Variants in SCN1B observed in about 807,000 individuals in gnomAD.
SCN1B encodes sodium voltage-gated channel beta subunit 1.
Under a neutral mutation model 25.7 loss-of-function variants are expected in SCN1B, and 11 were observed. The observed-to-expected ratio is 0.43, with a 90% CI of 0.27 to 0.71. The LOEUF (loss-of-function observed/expected upper bound fraction) is 0.71. Ranked by LOEUF, SCN1B falls within the 30% of genes least tolerant of loss-of-function variation. The probability of loss-of-function intolerance (pLI) is 0.21; values close to 1 mark genes in which losing one functional copy is unlikely to be tolerated. For missense variants in SCN1B, 224 were observed against 291.5 expected, an observed-to-expected ratio of 0.77 and a Z score of 1.69; for synonymous variants, 119 against 117.5, an observed-to-expected ratio of 1.01 and a Z score of -0.08.
At position 35,033,587 on chromosome 19, in the gene SCN1B, A is replaced by G; in HGVS notation, c.296A>G (p.Lys99Arg). 1 of 1,614,052 alleles carries G rather than the reference A, an allele frequency of 6.2e-7. No homozygotes were observed. Among genetic ancestry groups the G allele is most frequent in the Non-Finnish European group, 8.5e-7 (1 of 1,179,958 alleles). ...RVVWNGSRGTKDLQDLSIFIT... is the reference protein window; with the variant it reads ...RVVWNGSRGTRDLQDLSIFIT... Reference sequence around the variant, plus strand: ...GTGTGGAATGGCAGCCGGGGCACCAAAGACCTGCAGGATCTGTCTATCTTC... The same window carrying G: ...GTGTGGAATGGCAGCCGGGGCACCAGAGACCTGCAGGATCTGTCTATCTTC... The change falls in exon 3 of 6, where the codon AAA becomes AGA. Residue 99 changes from lysine (K) to arginine (R), a missense_variant. Physicochemically the swap from Lys to Arg is conservative, Grantham distance 26. Around this residue, in one of 3 missense-constraint regions of SCN1B, gnomAD observed 126 missense variants for 204.9 expected, o/e 0.61. Coordinates refer to ENST00000262631, the MANE Select transcript of SCN1B (RefSeq NM_001037.5).
intron 3 of SCN1B, 111 bp from the exon 4 acceptor site, chr19:35,039,006 C>T: frequency 1.6e-6 from 2 of 1,283,026 alleles, no homozygotes; most frequent in Admixed American, 3.4e-5. Flanking sequence ...AGTGCATACA[C>T]CAGGCCCAGG....
chr19:35,039,410 A>C (rs1265906467), intron 4 of SCN1B, 152 bp downstream of exon 4: 7 of 1,164,094 alleles, frequency 6.0e-6, no homozygotes, highest in Non-Finnish European at 8.7e-6. Context: ...CCTGTCAGAC[A>C]CAGGATAGGG....
In SCN1B at chr19:35,030,870, CG is replaced by C; in HGVS notation, c.40+16del. ...GTCGGCGCGGCACTGGGTGAGTGCG[CG>C]GGGGGCGCGCGCGGCCGGGGGGCAC... On this transcript the variant is annotated intron_variant, in intron 1 of 5. Coordinates refer to ENST00000262631, the MANE Select transcript of SCN1B (RefSeq NM_001037.5). 30 of 724,682 alleles carry C rather than the reference CG, an allele frequency of 4.1e-5. No homozygotes were observed. Among genetic ancestry groups the C allele is most frequent in the Non-Finnish European group, 5.0e-5 (28 of 565,546 alleles). 44.9% of individuals were successfully genotyped at this position (724,682 alleles called of 1,614,324 possible). A position where few individuals can be genotyped will look rare whatever the true frequency, so the allele number is the denominator to read the frequency against.
In SCN1B at chr19:35,032,792, A is replaced by T; in HGVS notation, c.207+98A>T. On this transcript the variant is annotated intron_variant, in intron 2 of 5. Transcript: ENST00000262631. This position sits in a 1 kb window ranked among gnomAD's most constrained non-coding sequence, Gnocchi z 4.3. ...GGAGGGGGCTTATTTGTTTAATAATATGCTGTGATTGCTGACCTGGATTCA... is the reference window on the plus strand; with the variant it reads ...GGAGGGGGCTTATTTGTTTAATAATTTGCTGTGATTGCTGACCTGGATTCA... 3 of 1,388,504 alleles carry T rather than the reference A, an allele frequency of 2.2e-6. No homozygotes were observed. Among genetic ancestry groups the T allele is most frequent in the Non-Finnish European group, 3.0e-6 (3 of 992,332 alleles). 86.0% of individuals were successfully genotyped at this position (1,388,504 alleles called of 1,614,324 possible).
At chr19:35,030,920 G>A (rs1222301359) in intron 1 of SCN1B, 60 bp downstream of exon 1, 1 of 276,128 alleles carries the variant, frequency 3.6e-6, no homozygotes, top group Non-Finnish European at 6.1e-6. Context: ...GCGGGGCGGC[G>A]GGAGTGGCGC....
rs777698049 is a variant in SCN1B at position 35,032,300 on chromosome 19, C to T, written c.41-228C>T. ...CCCTACCTAATGTATGAAAATGGGCCCAGCCATTGCTGGAAGCAAAGGACC... is the reference window on the plus strand; with the variant it reads ...CCCTACCTAATGTATGAAAATGGGCTCAGCCATTGCTGGAAGCAAAGGACC... On this transcript the variant is annotated intron_variant, in intron 1 of 5. Transcript: ENST00000262631. The surrounding 1 kb of genome is among the most constrained non-coding windows in gnomAD (Gnocchi z 4.3). Among the ~76,000 whole-genome samples the T allele has an allele frequency of 6.6e-6, 1 of 152,176 alleles. No homozygotes were observed. The highest frequency in any genetic ancestry group is 2.1e-4 in the South Asian group (1 of 4,824).
In SCN1B at chr19:35,039,822, G is replaced by A; in HGVS notation, c.*31G>A. 2 of 1,102,326 alleles carry A rather than the reference G, an allele frequency of 1.8e-6. No homozygotes were observed. Among genetic ancestry groups the A allele is most frequent in the Admixed American group, 2.0e-5 (1 of 49,650 alleles). The allele number at this position is 1,102,326 out of a possible 1,614,324, so 68.3% of individuals were successfully genotyped here. On this transcript the variant is annotated 3_prime_UTR_variant, in exon 6 of 6. Coordinates refer to ENST00000262631, the MANE Select transcript of SCN1B (RefSeq NM_001037.5). ...GCCCTGGGCCCCGCCTCAAGGAAGA[G>A]CCAGCCGTAATGGGGACTCTCCAGG...
At position 35,032,008 on chromosome 19, in the gene SCN1B, C is replaced by T. The variant is rs949280792; in HGVS notation, c.41-520C>T. On this transcript the variant is annotated intron_variant, in intron 1 of 5. Coordinates refer to ENST00000262631, the MANE Select transcript of SCN1B (RefSeq NM_001037.5). The surrounding 1 kb of genome is among the most constrained non-coding windows in gnomAD (Gnocchi z 4.3). ...AGAGGGGCTGAGTGTGGGTCAGCCC[C>T]GGTTTCAGTGCCCACCTCCCCACAA... is the stretch of plus-strand genomic sequence containing the variant. Among the ~76,000 whole-genome samples the T allele has an allele frequency of 6.6e-6, 1 of 152,128 alleles. No homozygotes were observed. The highest frequency in any genetic ancestry group is 1.5e-5 in the Non-Finnish European group (1 of 68,000).
In SCN1B at chr19:35,030,794, G is replaced by T. The variant is rs758958222; in HGVS notation, c.-27G>T. The T allele has an allele frequency of 9.9e-7, 1 of 1,011,506 alleles. No individual in the cohort carries two copies. The highest frequency in any genetic ancestry group is 1.3e-6 in the Non-Finnish European group (1 of 782,144). The allele number at this position is 1,011,506 out of a possible 1,614,324, so 62.7% of individuals were successfully genotyped here. On this transcript the variant is annotated 5_prime_UTR_variant, in exon 1 of 6. It adds an upstream start codon to the 5' untranslated region. Coordinates refer to ENST00000262631, the MANE Select transcript of SCN1B (RefSeq NM_001037.5). ...CGCTATTAATACCGGCGGCCCGGGA[G>T]GGGGGCGCAGCACGCGCCGCGCAGC... is the stretch of plus-strand genomic sequence containing the variant.
At chr19:35,033,423 C>T in intron 2 of SCN1B, 76 bp from the exon 3 acceptor site, 2 of 1,605,192 alleles carry the variant, frequency 1.2e-6, no homozygotes, top group Non-Finnish European at 1.7e-6. Flanking sequence ...GGTGTCAGGG[C>T]AGGGGACAGA....
rs2064206246 is a variant in SCN1B, at chr19:35,030,566, G to A, written c.-255G>A. 1 of 149,864 alleles carries A rather than the reference G, an allele frequency of 6.7e-6. No individual in the cohort carries two copies. Among genetic ancestry groups the A allele is most frequent in the South Asian group, 1.8e-4 (1 of 5,656 alleles). 9.3% of individuals were successfully genotyped at this position (149,864 alleles called of 1,614,324 possible). On this transcript the variant is annotated 5_prime_UTR_variant, in exon 1 of 6. Transcript: ENST00000262631. ...CGGATGTGCCCGGCTGCGCGCGCCA[G>A]CGCAGCAGCCCGAGCAGCGGCCGCC... is the stretch of plus-strand genomic sequence containing the variant.
In SCN1B at chr19:35,033,585, C is replaced by T; in HGVS notation, c.294C>T (p.Thr98=). Residue 98 remains threonine, a synonymous_variant, in exon 3 of 6, where the codon ACC becomes ACT. Transcript: ENST00000262631. ...TGGTGTGGAATGGCAGCCGGGGCAC[C>T]AAAGACCTGCAGGATCTGTCTATCT... is the stretch of plus-strand genomic sequence containing the variant. ...GRVVWNGSRG[T]KDLQDLSIFI... is the part of the protein sequence containing the mutation. 1 of 1,614,072 alleles carries T rather than the reference C, an allele frequency of 6.2e-7. No individual in the cohort carries two copies. Among genetic ancestry groups the T allele is most frequent in the Non-Finnish European group, 8.5e-7 (1 of 1,179,958 alleles).
At chr19:35,039,501 C>T (rs2064271203) in intron 4 of SCN1B, 134 bp from the exon 5 acceptor site, 11 of 1,007,044 alleles carry the variant, frequency 1.1e-5, no homozygotes, top group Middle Eastern at 2.0e-4. Context: ...CTGAGGAGTC[C>T]ACCCATAGAC....
In SCN1B at chr19:35,034,053, C is replaced by A. The variant is rs373295182; in HGVS notation, c.448+314C>A. 7.1e-5 allele frequency: 110 copies of A among 1,550,758 alleles called. No individual in the cohort carries two copies. The African/African-American group carries it at 1.3e-3, about 18-fold the overall frequency. ...CTCTGAGCCAAAGGGTTGTCCTGGGCTTGCCCGGGATAATAATCCGATGTG... is the reference window on the plus strand; with the variant it reads ...CTCTGAGCCAAAGGGTTGTCCTGGGATTGCCCGGGATAATAATCCGATGTG... On this transcript the variant is annotated intron_variant, in intron 3 of 5. Coordinates refer to ENST00000262631, the MANE Select transcript of SCN1B (RefSeq NM_001037.5).
intron 5 of SCN1B, 33 bp from the exon 6 acceptor site, chr19:35,039,764 G>A: frequency 1.3e-6 from 2 of 1,542,764 alleles, no homozygotes; most frequent in Non-Finnish European, 1.8e-6. Flanking sequence ...AGTCCCCCAG[G>A]TCCCTAATTC....
At position 35,039,890 on chromosome 19, in the gene SCN1B, A is replaced by T; in HGVS notation, c.*99A>T. Reference sequence around the variant, plus strand: ...GTGGGGGTGGCCACTCCTGGGCCCCAGAAAGCCTCAGAGTCCTGCCGACGG... The same window carrying T: ...GTGGGGGTGGCCACTCCTGGGCCCCTGAAAGCCTCAGAGTCCTGCCGACGG... On this transcript the variant is annotated 3_prime_UTR_variant, in exon 6 of 6. Coordinates refer to ENST00000262631, the MANE Select transcript of SCN1B (RefSeq NM_001037.5). 1 of 639,794 alleles carries T rather than the reference A, an allele frequency of 1.6e-6. No homozygotes were observed. 39.6% of individuals were successfully genotyped at this position (639,794 alleles called of 1,614,324 possible).
intron 3 of SCN1B, chr19:35,034,832 G>T (rs1438964283): frequency 6.6e-6 from 1 of 152,308 alleles, no homozygotes; most frequent in Non-Finnish European, 1.5e-5. Context: ...GTGATTGGGA[G>T]CTGGACTTGA....
intron 3 of SCN1B, chr19:35,034,141 A>G: frequency 6.4e-7 from 1 of 1,551,076 alleles, no homozygotes; most frequent in South Asian, 1.2e-5. Flanking sequence ...GAGCAGCTGC[A>G]GGCACACGCC....
intron 3 of SCN1B, chr19:35,037,788 A>AAG (rs1253843669): frequency 1.3e-5 from 2 of 151,074 alleles, no homozygotes; most frequent in African/African-American, 4.9e-5. Flanking sequence ...TCTACCAAAA[A>AAG]AAAAAAAAAA....
Sources: gnomAD v4.1 joint callset for allele counts (sites outside exome capture counted in the v4.1 genomes callset) on GRCh38, gnomAD v4.1.1 for gene constraint, gnomAD v4.1.1 regional missense constraint, Gnocchi (gnomAD v3.1) non-coding constraint, MANE v1.5 for transcripts, NCBI Gene and HGNC (gene_info 2026-07-23, HGNC 2026-07-21) for gene names.